The following MALRD1 variants were observed in gnomAD, a reference collection of about 807,000 sequenced individuals.
MALRD1 encodes MAM and LDL receptor class A domain containing 1, also known as MAM and LDL-receptor class A domain-containing protein 1.
In MALRD1, 247 loss-of-function variants were observed where a neutral mutation model predicts 242.1. The ratio of observed to expected loss-of-function variants is 1.02; its 90% CI spans 0.92 to 1.13. The LOEUF is 1.13. Among genes scored for constraint, MALRD1 ranks in the 50% most tolerant of loss-of-function variants. The pLI is 0.00. For synonymous variants in MALRD1, 995 were observed against 866.6 expected (o/e 1.15, Z -2.60); for missense variants, 2,989 against 2,533.1 (o/e 1.18, Z -3.86).
intron 13 of MALRD1, among the ~76,000 whole-genome samples, chr10:19,171,036 A>C (rs1834899294): frequency 6.6e-6 from 1 of 151,870 alleles, no homozygotes; most frequent in Admixed American, 6.6e-5. Context: ...TTTTTTTTGA[A>C]AACAAGATTT....
At chr10:19,557,040 A>T (rs1037503632) in intron 32 of MALRD1, among the ~76,000 whole-genome samples, 1 of 152,180 alleles carries the variant, frequency 6.6e-6, no homozygotes, top group Non-Finnish European at 1.5e-5. Context: ...ATCCCTGATA[A>T]CAAATGAGTT....
intron 26 of MALRD1, among the ~76,000 whole-genome samples, chr10:19,373,203 CAA>C (rs374095193): frequency 0.61 from 69,945 of 114,816 alleles, 19,768 homozygotes; most frequent in Middle Eastern, 0.64. Flanking sequence ...ACGCTAAATA[CAA>C]AAAAAAAAAA....
intron 29 of MALRD1, among the ~76,000 whole-genome samples, chr10:19,454,405 G>GAGATATATATATATATATAT (rs1554775338): frequency 8.7e-5 from 7 of 80,530 alleles, no homozygotes; most frequent in African/African-American, 3.9e-4. Context: ...TTATGCATAT[G>GAGATATATATATATATATAT]ATATATATAT....
At chr10:19,047,554 A>G (rs1451358511), upstream of MALRD1, among the ~76,000 whole-genome samples, 1 of 152,168 alleles carries the variant, frequency 6.6e-6, no homozygotes, top group Admixed American at 6.6e-5. Context: ...AAGGATAGTC[A>G]GCATTTAAGG....
chr10:19,209,119 C>T, intron 17 of MALRD1, 149 bp from the exon 18 acceptor site: 1 of 579,004 alleles, frequency 1.7e-6, no homozygotes. Context: ...TTAAAAAAAA[C>T]ACTTCAGTGT....
intron 36 of MALRD1, among the ~76,000 whole-genome samples, chr10:19,687,023 G>T (rs984158579): frequency 6.6e-6 from 1 of 151,690 alleles, no homozygotes; most frequent in Non-Finnish European, 1.5e-5. Context: ...ATAACGAGTG[G>T]ATTTTTTTCC....
intron 5 of MALRD1, among the ~76,000 whole-genome samples, chr10:19,121,640 A>G (rs1837069489): frequency 6.6e-6 from 1 of 152,192 alleles, no homozygotes; most frequent in African/African-American, 2.4e-5. Flanking sequence ...AATTGGCAGT[A>G]TGATTCCTTA....
Position 19,128,396 on chromosome 10 carries a change from A to G in MALRD1, c.1110+9A>G. 4.9e-6 allele frequency: 6 copies of G among 1,231,832 alleles called. No individual in the cohort carries two copies. Among genetic ancestry groups the G allele is most frequent in the Non-Finnish European group, 6.1e-6 (6 of 986,428 alleles). The allele number at this position is 1,231,832 out of a possible 1,614,324, so 76.3% of individuals were successfully genotyped here. ...GACTGTATAATAATAAGGTAAGAAG[A>G]AAGTTGCATTTATTTCAAATTCATT... is the stretch of plus-strand genomic sequence containing the variant. On this transcript the variant is annotated intron_variant, in intron 8 of 39. Transcript: ENST00000454679.
At chr10:19,429,319 C>T (rs908152994) in intron 28 of MALRD1, among the ~76,000 whole-genome samples, 23 of 152,128 alleles carry the variant, frequency 1.5e-4, no homozygotes, top group African/African-American at 5.1e-4. Flanking sequence ...CCTGTAATCC[C>T]AGCACTTCAG....
chr10:19,147,005 G>A (rs1833748215), intron 11 of MALRD1, among the ~76,000 whole-genome samples: 2 of 152,004 alleles, frequency 1.3e-5, no homozygotes, highest in South Asian at 2.1e-4. Context: ...CGTTAGCATC[G>A]TCTTAACTTT....
intron 26 of MALRD1, among the ~76,000 whole-genome samples, chr10:19,384,499 T>TA (rs1213600481): frequency 8.5e-6 from 1 of 117,654 alleles, no homozygotes; most frequent in African/African-American, 3.3e-5. Context: ...TAATATAATA[T>TA]TTACTATATA....
chr10:19,254,639 T>C (rs375172431), intron 18 of MALRD1, among the ~76,000 whole-genome samples: 5 of 152,118 alleles, frequency 3.3e-5, no homozygotes, highest in African/African-American at 1.2e-4. Flanking sequence ...TAAACTAAAA[T>C]TTCTGCCTCA....
At chr10:19,702,385 C>G (rs1291868153) in intron 38 of MALRD1, among the ~76,000 whole-genome samples, 1 of 152,156 alleles carries the variant, frequency 6.6e-6, no homozygotes, top group African/African-American at 2.4e-5. Flanking sequence ...TATTGGATAC[C>G]AGGCAAATAT....
At chr10:19,240,005 T>A (rs539005039) in intron 18 of MALRD1, among the ~76,000 whole-genome samples, 14 of 152,264 alleles carry the variant, frequency 9.2e-5, no homozygotes, top group African/African-American at 3.4e-4. Flanking sequence ...TCATACAAAT[T>A]GTAGGGTACT....
At chr10:19,255,719 AT>A (rs2131801817) in intron 18 of MALRD1, among the ~76,000 whole-genome samples, 1 of 152,174 alleles carries the variant, frequency 6.6e-6, no homozygotes, top group East Asian at 1.9e-4. Context: ...TTATGATTAA[AT>A]TATGTATTAG....
intron 26 of MALRD1, among the ~76,000 whole-genome samples, chr10:19,371,807 C>T (rs1021299651): frequency 1.3e-5 from 2 of 152,130 alleles, no homozygotes; most frequent in South Asian, 2.1e-4. Flanking sequence ...TATTTTCTAT[C>T]ACTATAATTT....
At chr10:19,647,646 C>CTGAT (rs1840711918) in intron 36 of MALRD1, among the ~76,000 whole-genome samples, 1 of 152,120 alleles carries the variant, frequency 6.6e-6, no homozygotes, top group South Asian at 2.1e-4. Flanking sequence ...AGTTGTGCAA[C>CTGAT]TGATAGAGCA....
chr10:19,561,304 T>G (rs1835952276), intron 32 of MALRD1, among the ~76,000 whole-genome samples: 1 of 152,216 alleles, frequency 6.6e-6, no homozygotes. Flanking sequence ...TTCTGCTGTT[T>G]CTGGGTGAAG....
chr10:19,085,446 A>G (rs1331654666), intron 2 of MALRD1, among the ~76,000 whole-genome samples: 1 of 152,050 alleles, frequency 6.6e-6, no homozygotes, highest in African/African-American at 2.4e-5. Context: ...CATAGAAAAC[A>G]GATATTGCCA....
Sources: allele counts gnomAD v4.1 joint callset (sites outside exome capture counted in the v4.1 genomes callset), GRCh38; gene constraint gnomAD v4.1.1; transcripts MANE v1.5; gene names NCBI Gene and HGNC (gene_info 2026-07-23, HGNC 2026-07-21).